The following ADGRL2 variants were observed in gnomAD, a reference collection of about 807,000 sequenced individuals.
ADGRL2 encodes the protein adhesion G protein-coupled receptor L2, also known as calcium-independent alpha-latrotoxin receptor 2.
In ADGRL2, 44 loss-of-function variants were observed where a neutral mutation model predicts 157.4. That is an observed-to-expected ratio of 0.28 (90% CI 0.22 to 0.36). The LOEUF is 0.36. ADGRL2 is among the 10% of genes least tolerant of loss of function. The pLI, the probability that ADGRL2 is intolerant of heterozygous loss-of-function variation, is 1.00. For missense variants in ADGRL2, 1,510 were observed against 1,768.9 expected (o/e 0.85, Z 2.63); for synonymous variants, 585 against 624.7 (o/e 0.94, Z 0.95).
intron 3 of ADGRL2, among the ~76,000 whole-genome samples, chr1:81,644,770 G>A (rs575757907): frequency 1.3e-5 from 2 of 152,306 alleles, no homozygotes; most frequent in East Asian, 1.9e-4. Flanking sequence ...GGTTCAGGAT[G>A]CTAACAATGG....
chr1:81,328,145 C>T (rs1020980245), intron 1 of ADGRL2, among the ~76,000 whole-genome samples: 3 of 152,152 alleles, frequency 2.0e-5, no homozygotes, highest in Non-Finnish European at 2.9e-5. Flanking sequence ...AAATTTCAAA[C>T]CTTTTTCCTT....
chr1:81,532,927 A>G (rs1319061838), intron 2 of ADGRL2, among the ~76,000 whole-genome samples: 1 of 146,112 alleles, frequency 6.8e-6, no homozygotes, highest in East Asian at 2.0e-4. Context: ...CTGTCTCAAA[A>G]AAAACAACAA....
At chr1:81,963,608 A>C (rs1255571050) in intron 11 of ADGRL2, among the ~76,000 whole-genome samples, 1 of 151,810 alleles carries the variant, frequency 6.6e-6, no homozygotes, top group Non-Finnish European at 1.5e-5. Context: ...TTTTTTTTAC[A>C]TTAAGTGGAT....
chr1:81,599,278 A>T (rs1166379782), intron 3 of ADGRL2, among the ~76,000 whole-genome samples: 14 of 152,198 alleles, frequency 9.2e-5, no homozygotes, highest in African/African-American at 3.1e-4. Context: ...AGTGAGCCTT[A>T]GTACACTCAT....
At chr1:81,672,738 G>T (rs763313484) in intron 3 of ADGRL2, among the ~76,000 whole-genome samples, 7 of 151,708 alleles carry the variant, frequency 4.6e-5, no homozygotes, top group Non-Finnish European at 7.4e-5. Context: ...GTGTTTTAAG[G>T]ATATATATAT....
chr1:81,732,493 A>G (rs1462255011), intron 1 of ADGRL2, among the ~76,000 whole-genome samples: 1 of 152,228 alleles, frequency 6.6e-6, no homozygotes, highest in Admixed American at 6.5e-5. Context: ...TTTAAATGAC[A>G]AAGATAATGA....
chr1:81,797,357 C>G (rs1305342180), upstream of ADGRL2, among the ~76,000 whole-genome samples: 1 of 152,036 alleles, frequency 6.6e-6, no homozygotes, highest in Non-Finnish European at 1.5e-5. Context: ...TAATCACAGG[C>G]AAAAATACAC....
chr1:81,574,510 C>T (rs928102489), intron 2 of ADGRL2, among the ~76,000 whole-genome samples: 3 of 152,130 alleles, frequency 2.0e-5, no homozygotes, highest in African/African-American at 7.2e-5. Context: ...ATATGCTTCC[C>T]GCAGCTGACA....
At chr1:81,617,222 G>T (rs945164563) in intron 3 of ADGRL2, among the ~76,000 whole-genome samples, 1 of 152,258 alleles carries the variant, frequency 6.6e-6, no homozygotes, top group South Asian at 2.1e-4. Context: ...TCTCATAGGC[G>T]CACGAACCCT....
chr1:81,431,672 G>T (rs1171560764), intron 1 of ADGRL2, among the ~76,000 whole-genome samples: 1 of 152,172 alleles, frequency 6.6e-6, no homozygotes, highest in Non-Finnish European at 1.5e-5. Flanking sequence ...ATTGAAATGG[G>T]GATGGGAAGA....
intron 3 of ADGRL2, among the ~76,000 whole-genome samples, chr1:81,648,625 C>T (rs918581283): frequency 6.6e-6 from 1 of 152,066 alleles, no homozygotes; most frequent in East Asian, 1.9e-4. Context: ...TTGAAGAGTT[C>T]ATGGGTTCCA....
intron 1 of ADGRL2, chr1:81,699,812 A>G (rs2083520806): frequency 6.6e-6 from 1 of 152,250 alleles, no homozygotes; most frequent in African/African-American, 2.4e-5. Context: ...TGATAAGGTA[A>G]GGGCAATTAT....
intron 2 of ADGRL2, among the ~76,000 whole-genome samples, chr1:81,843,231 C>T (rs1224022211): frequency 3.3e-5 from 5 of 152,100 alleles, no homozygotes; most frequent in Non-Finnish European, 7.4e-5. Context: ...CTCCTGGGTT[C>T]AAACAATTCT....
chr1:81,346,855 G>A (rs115971351), intron 1 of ADGRL2, among the ~76,000 whole-genome samples: 30 of 152,256 alleles, frequency 2.0e-4, no homozygotes, highest in African/African-American at 7.0e-4. Flanking sequence ...ACCAAGAAGT[G>A]GGGTGCTGTT....
intron 1 of ADGRL2, among the ~76,000 whole-genome samples, chr1:81,827,414 C>T (rs903692187): frequency 4.6e-5 from 7 of 152,038 alleles, no homozygotes; most frequent in Admixed American, 2.0e-4. Context: ...TTCATTCTCC[C>T]GTTATTTACT....
intron 2 of ADGRL2, among the ~76,000 whole-genome samples, chr1:81,495,282 C>A (rs1399733562): frequency 6.6e-6 from 1 of 152,134 alleles, no homozygotes; most frequent in Non-Finnish European, 1.5e-5. Flanking sequence ...TCATCTCCAG[C>A]TGCCTCCCTT....
intron 2 of ADGRL2, among the ~76,000 whole-genome samples, chr1:81,839,872 C>CATATATATATATATTCCATCAT (rs202169115): frequency 7.7e-6 from 1 of 130,206 alleles, no homozygotes; most frequent in Non-Finnish European, 1.6e-5. Flanking sequence ...TATTTTCCAT[C>CATATATATATATATTCCATCAT]ATATATATAT....
chr1:81,653,016 C>T (rs981217677), intron 3 of ADGRL2, among the ~76,000 whole-genome samples: 2 of 152,132 alleles, frequency 1.3e-5, no homozygotes, highest in Non-Finnish European at 2.9e-5. Context: ...TTATTAACTG[C>T]ATTCCCCTGG....
intron 3 of ADGRL2, among the ~76,000 whole-genome samples, chr1:81,581,383 T>C (rs1231960992): frequency 6.6e-6 from 1 of 152,202 alleles, no homozygotes; most frequent in Non-Finnish European, 1.5e-5. Context: ...GGAAAATATT[T>C]AAGCTAATGA....
Sources: allele counts gnomAD v4.1 joint callset (sites outside exome capture counted in the v4.1 genomes callset), GRCh38; gene constraint gnomAD v4.1.1; transcripts MANE v1.5; gene names NCBI Gene and HGNC (gene_info 2026-07-23, HGNC 2026-07-21).